The following EML1 variants were observed in gnomAD, a reference collection of about 807,000 sequenced individuals.
EML1 encodes echinoderm microtubule-associated protein-like 1.
EML1 carries 27 observed loss-of-function variants against 110.4 expected under a neutral mutation model. The ratio of observed to expected loss-of-function variants is 0.24; its 90% CI spans 0.18 to 0.34. The LOEUF is 0.34. Ranked by LOEUF, EML1 falls within the 10% of genes least tolerant of loss-of-function variation. EML1 has a pLI of 1.00. For missense variants in EML1, 741 were observed against 1,030.9 expected (o/e 0.72, Z 3.85); for synonymous variants, 344 against 385.8 (o/e 0.89, Z 1.27).
At chr14:99,920,758 C>T in intron 16 of EML1, 31 bp from the exon 17 acceptor site, 5 of 1,563,926 alleles carry the variant, frequency 3.2e-6, no homozygotes, top group Non-Finnish European at 4.4e-6. Context: ...TATTAAACAA[C>T]TTACTGTGCT....
intron 1 of EML1, among the ~76,000 whole-genome samples, chr14:99,829,129 C>A (rs2058408301): frequency 6.6e-6 from 1 of 152,152 alleles, no homozygotes; most frequent in African/African-American, 2.4e-5. Context: ...AATGGGGGGG[C>A]CACTGTACAG....
intron 16 of EML1, among the ~76,000 whole-genome samples, chr14:99,920,118 AGCACTTCCAT>A (rs2060105338): frequency 2.6e-5 from 4 of 152,198 alleles, no homozygotes; most frequent in African/African-American, 9.7e-5. Flanking sequence ...GAGGATACAA[AGCACTTCCAT>A]GTCCATTATC....
chr14:99,843,863 T>A (rs1270543387), intron 1 of EML1, among the ~76,000 whole-genome samples: 1 of 152,224 alleles, frequency 6.6e-6, no homozygotes, highest in Non-Finnish European at 1.5e-5. Flanking sequence ...TGCCTTCTTT[T>A]ATTCACACAT....
At chr14:99,809,853 C>G (rs2058045399) in intron 1 of EML1, among the ~76,000 whole-genome samples, 1 of 152,170 alleles carries the variant, frequency 6.6e-6, no homozygotes, top group Non-Finnish European at 1.5e-5. Context: ...GGGTCTTGTC[C>G]TAGGCCCTTC....
At chr14:99,862,599 AT>A (rs2059020132) in intron 2 of EML1, among the ~76,000 whole-genome samples, 1 of 152,176 alleles carries the variant, frequency 6.6e-6, no homozygotes, top group African/African-American at 2.4e-5. Flanking sequence ...TTATAATCGA[AT>A]ACTATGTTAT....
intron 1 of EML1, among the ~76,000 whole-genome samples, chr14:99,816,486 C>A (rs1177594719): frequency 6.6e-6 from 1 of 152,202 alleles, no homozygotes; most frequent in East Asian, 1.9e-4. Context: ...ATTCCCACAA[C>A]CACAGTCTGT....
chr14:99,815,729 C>T (rs576126059), intron 1 of EML1, among the ~76,000 whole-genome samples: 2 of 152,082 alleles, frequency 1.3e-5, no homozygotes, highest in African/African-American at 4.8e-5. Flanking sequence ...CTGAGTTACT[C>T]TTTGTTGGGT....
At chr14:99,848,724 G>T (rs2058743062) in intron 1 of EML1, among the ~76,000 whole-genome samples, 1 of 152,250 alleles carries the variant, frequency 6.6e-6, no homozygotes, top group East Asian at 1.9e-4. Context: ...CCAGCACTTT[G>T]GGAGGGTGAA....
intron 6 of EML1, 110 bp downstream of exon 6, chr14:99,894,868 A>G (rs1197998195): frequency 3.0e-6 from 4 of 1,353,772 alleles, no homozygotes; most frequent in East Asian, 5.1e-5. Flanking sequence ...TTTAAAAAAC[A>G]AAATGTTTTA....
upstream of EML1, among the ~76,000 whole-genome samples, chr14:99,788,646 T>G (rs187500545): frequency 1.3e-5 from 2 of 152,290 alleles, no homozygotes; most frequent in East Asian, 3.9e-4. Context: ...TGTGTGTGTG[T>G]GTGTATGTGT....
At chr14:99,834,669 A>G (rs577973718) in intron 1 of EML1, among the ~76,000 whole-genome samples, 13 of 152,312 alleles carry the variant, frequency 8.5e-5, no homozygotes, top group African/African-American at 3.1e-4. Context: ...TTTTGATATT[A>G]GAGTAATGCT....
upstream of EML1, among the ~76,000 whole-genome samples, chr14:99,791,399 T>C (rs1406187172): frequency 1.3e-5 from 2 of 152,234 alleles, no homozygotes; most frequent in Non-Finnish European, 2.9e-5. Context: ...CTCCTGCCTC[T>C]CTGACCATTC....
chr14:99,794,491 A>G (rs1312203226), intron 1 of EML1, among the ~76,000 whole-genome samples: 1 of 152,144 alleles, frequency 6.6e-6, no homozygotes, highest in Non-Finnish European at 1.5e-5. Flanking sequence ...GGAGCAATTT[A>G]TTTTGCTATT....
intron 1 of EML1, among the ~76,000 whole-genome samples, chr14:99,744,903 G>A (rs1040981843): frequency 1.3e-5 from 2 of 152,196 alleles, no homozygotes; most frequent in African/African-American, 2.4e-5. Context: ...CCACAGATCC[G>A]AAAACTGAGA....
At chr14:99,763,998 C>A (rs1331431246) in intron 1 of EML1, among the ~76,000 whole-genome samples, 1 of 152,190 alleles carries the variant, frequency 6.6e-6, no homozygotes, top group Admixed American at 6.5e-5. Flanking sequence ...TTCTTGCTAA[C>A]ACCGCCAGGC....
At chr14:99,904,973 T>G (rs1444234230) in intron 9 of EML1, among the ~76,000 whole-genome samples, 1 of 152,148 alleles carries the variant, frequency 6.6e-6, no homozygotes, top group Non-Finnish European at 1.5e-5. Flanking sequence ...CACAAATCCT[T>G]TTTTCCCATT....
chr14:99,898,158 T>C, intron 7 of EML1, 75 bp from the exon 8 acceptor site: 1 of 1,257,212 alleles, frequency 8.0e-7, no homozygotes, highest in Non-Finnish European at 1.1e-6. Context: ...AATTTTTGAC[T>C]AGATTATATT....
intron 17 of EML1, among the ~76,000 whole-genome samples, chr14:99,931,517 T>G (rs1167672128): frequency 1.3e-5 from 2 of 152,210 alleles, no homozygotes; most frequent in African/African-American, 4.8e-5. Context: ...CCTGGACTCT[T>G]GCTCCCGTGG....
At chr14:99,883,293 G>T (rs553180409) in intron 4 of EML1, 1 of 152,398 alleles carries the variant, frequency 6.6e-6, no homozygotes, top group African/African-American at 2.4e-5. Context: ...CACTTCAGCA[G>T]GCCGAAGCGG....
Sources: gnomAD v4.1 joint callset for allele counts (sites outside exome capture counted in the v4.1 genomes callset) on GRCh38, gnomAD v4.1.1 for gene constraint, MANE v1.5 for transcripts, NCBI Gene and HGNC (gene_info 2026-07-23, HGNC 2026-07-21) for gene names.